The following MISP3 variants were observed in gnomAD, a reference collection of about 807,000 sequenced individuals.
MISP3 encodes MISP family member 3, also known as uncharacterized protein MISP3.
Under a neutral mutation model 5.5 loss-of-function variants are expected in MISP3, and 9 were observed. The ratio of observed to expected loss-of-function variants is 1.65; its 90% CI spans 0.99 to 2.87. The LOEUF (loss-of-function observed/expected upper bound fraction) is 2.87. MISP3 is among the 30% of genes most tolerant of loss of function. The pLI, the probability that MISP3 is intolerant of heterozygous loss-of-function variation, is 0.00. For synonymous variants in MISP3, 87 were observed against 38.1 expected (o/e 2.28, Z -4.73); for missense variants, 152 against 84.1 (o/e 1.81, Z -3.16).
In MISP3 at chr19:14,073,195, G is replaced by C. The variant is rs746087760; in HGVS notation, c.-115G>C. 2 of 674,474 alleles carry C rather than the reference G, an allele frequency of 3.0e-6. No individual in the cohort carries two copies. Among genetic ancestry groups the C allele is most frequent in the South Asian group, 3.0e-5 (2 of 66,522 alleles). The allele number at this position is 674,474 out of a possible 1,614,324, so 41.8% of individuals were successfully genotyped here. A position where few individuals can be genotyped will look rare whatever the true frequency, so the allele number is the denominator to read the frequency against. ...AAGCGCAAAGGGCGGAGGTCCAGGG[G>C]CAGCATCCCCCTCCAGGCCCTAAGA... On this transcript the variant is annotated 5_prime_UTR_variant, in exon 1 of 3. Transcript: ENST00000587086. The surrounding 1 kb of genome is among the most constrained non-coding windows in gnomAD (Gnocchi z 8.5).
Position 14,074,787 on chromosome 19 carries a change from G to C in MISP3, c.*64G>C. 3 of 694,540 alleles carry C rather than the reference G, an allele frequency of 4.3e-6. No individual in the cohort carries two copies. Among genetic ancestry groups the C allele is most frequent in the South Asian group, 3.0e-5 (2 of 67,456 alleles). 43.0% of individuals were successfully genotyped at this position (694,540 alleles called of 1,614,324 possible). On this transcript the variant is annotated 3_prime_UTR_variant, in exon 3 of 3. Transcript: ENST00000587086. The surrounding 1 kb of genome is among the most constrained non-coding windows in gnomAD (Gnocchi z 4.4). ...ACGCGTCAGAGGAACAGGGCGGGGG[G>C]CGTCTAGCATTAGGCCTGGAGAAGG...
At position 14,074,580 on chromosome 19, in the gene MISP3, T is replaced by C; in HGVS notation, c.642+117T>C. On this transcript the variant is annotated intron_variant, in intron 2 of 2. Coordinates refer to ENST00000587086, the MANE Select transcript of MISP3 (RefSeq NM_001291291.2). The surrounding 1 kb of genome is among the most constrained non-coding windows in gnomAD (Gnocchi z 4.4). ...CCTGGAGGGCCACTCTGGTCAGAAC[T>C]CAGTCTGGGACGCATCCCCGGGGTG... The C allele has an allele frequency of 1.5e-6, 1 of 683,770 alleles. No homozygotes were observed. The allele number at this position is 683,770 out of a possible 1,614,324, so 42.4% of individuals were successfully genotyped here.
chr19:14,074,180 C>A lies in MISP3; in HGVS notation c.569-210C>A. ...CCAGGGAACCCTGACTGGGTTCTGG[C>A]ACTCCTGGGTCCTCCCTCTGAATTT... On this transcript the variant is annotated intron_variant, in intron 1 of 2. Coordinates refer to ENST00000587086, the MANE Select transcript of MISP3 (RefSeq NM_001291291.2). This position sits in a 1 kb window ranked among gnomAD's most constrained non-coding sequence, Gnocchi z 4.4. 1 of 595,498 alleles carries A rather than the reference C, an allele frequency of 1.7e-6. No individual in the cohort carries two copies. Among genetic ancestry groups the A allele is most frequent in the Non-Finnish European group, 3.0e-6 (1 of 335,250 alleles). 36.9% of individuals were successfully genotyped at this position (595,498 alleles called of 1,614,324 possible). A position where few individuals can be genotyped will look rare whatever the true frequency, so the allele number is the denominator to read the frequency against.
In MISP3 at chr19:14,073,235, T is replaced by C. The variant is rs762361002; in HGVS notation, c.-75T>C. On this transcript the variant is annotated 5_prime_UTR_variant, in exon 1 of 3. Transcript: ENST00000587086. This position sits in a 1 kb window ranked among gnomAD's most constrained non-coding sequence, Gnocchi z 8.5. ...AGGCCCTAAGACCTCCTCCTCCAGG[T>C]CAGGCTCGGAAGCCCCCCACCTGCG... 1 of 679,908 alleles carries C rather than the reference T, an allele frequency of 1.5e-6. No homozygotes were observed. Among genetic ancestry groups the C allele is most frequent in the South Asian group, 1.5e-5 (1 of 66,628 alleles). 42.1% of individuals were successfully genotyped at this position (679,908 alleles called of 1,614,324 possible). A position where few individuals can be genotyped will look rare whatever the true frequency, so the allele number is the denominator to read the frequency against.
In MISP3 at chr19:14,073,558, G is replaced by C. The variant is rs912801671; in HGVS notation, c.249G>C (p.Ala83=). The C allele has an allele frequency of 4.0e-6, 1 of 247,906 alleles. No individual in the cohort carries two copies. Among genetic ancestry groups the C allele is most frequent in the Non-Finnish European group, 7.6e-6 (1 of 131,976 alleles). The allele number at this position is 247,906 out of a possible 1,614,324, so 15.4% of individuals were successfully genotyped here. A position where few individuals can be genotyped will look rare whatever the true frequency, so the allele number is the denominator to read the frequency against. ...AHRQAALARP[A]VPEPRARSPP... ...GGCAGGCGGCGCTGGCGCGCCCCGCGGTCCCCGAGCCGCGCGCCCGGTCGC... is the reference window on the plus strand; with the variant it reads ...GGCAGGCGGCGCTGGCGCGCCCCGCCGTCCCCGAGCCGCGCGCCCGGTCGC... The change falls in exon 1 of 3, where the codon GCG becomes GCC. Residue 83 remains alanine, a synonymous_variant. Transcript: ENST00000587086. This position sits in a 1 kb window ranked among gnomAD's most constrained non-coding sequence, Gnocchi z 8.5.
Position 14,073,704 on chromosome 19 carries a change from G to C in MISP3, c.395G>C (p.Arg132Pro). ...QRLPEPGGRPRSAVQGGCRVL... is the reference protein window; with the variant it reads ...QRLPEPGGRPPSAVQGGCRVL... Reference sequence around the variant, plus strand: ...CTGCCAGAGCCTGGGGGACGGCCGCGCTCGGCCGTGCAGGGCGGGTGCCGG... The same window carrying C: ...CTGCCAGAGCCTGGGGGACGGCCGCCCTCGGCCGTGCAGGGCGGGTGCCGG... The change falls in exon 1 of 3, where the codon CGC becomes CCC. Residue 132 changes from arginine (R) to proline (P), a missense_variant. Transcript: ENST00000587086. The surrounding 1 kb of genome is among the most constrained non-coding windows in gnomAD (Gnocchi z 8.5). 1.8e-6 allele frequency: 1 copy of C among 566,086 alleles called. No homozygotes were observed. 35.1% of individuals were successfully genotyped at this position (566,086 alleles called of 1,614,324 possible). A position where few individuals can be genotyped will look rare whatever the true frequency, so the allele number is the denominator to read the frequency against.
At position 14,074,179 on chromosome 19, in the gene MISP3, GC is replaced by G. The variant is rs2145719424; in HGVS notation, c.569-210del. 1 of 594,850 alleles carries G rather than the reference GC, an allele frequency of 1.7e-6. No individual in the cohort carries two copies. Among genetic ancestry groups the G allele is most frequent in the African/African-American group, 1.9e-5 (1 of 53,704 alleles). 36.8% of individuals were successfully genotyped at this position (594,850 alleles called of 1,614,324 possible). A position where few individuals can be genotyped will look rare whatever the true frequency, so the allele number is the denominator to read the frequency against. ...TCCAGGGAACCCTGACTGGGTTCTG[GC>G]ACTCCTGGGTCCTCCCTCTGAATTT... is the stretch of plus-strand genomic sequence containing the variant. On this transcript the variant is annotated intron_variant, in intron 1 of 2. Transcript: ENST00000587086. The surrounding 1 kb of genome is among the most constrained non-coding windows in gnomAD (Gnocchi z 4.4).
chr19:14,073,280 G>A lies in MISP3; in HGVS notation c.-30G>A. The A allele has an allele frequency of 1.4e-6, 1 of 692,120 alleles. No homozygotes were observed. The highest frequency in any genetic ancestry group is 2.6e-6 in the Non-Finnish European group (1 of 378,040). 42.9% of individuals were successfully genotyped at this position (692,120 alleles called of 1,614,324 possible). ...CCTGCGTTTTCCGCCGTGCCCCGAG[G>A]CTCCCCAGCGTCCCCCGGAGGAGCG... On this transcript the variant is annotated 5_prime_UTR_variant, in exon 1 of 3. Coordinates refer to ENST00000587086, the MANE Select transcript of MISP3 (RefSeq NM_001291291.2). The surrounding 1 kb of genome is among the most constrained non-coding windows in gnomAD (Gnocchi z 8.5).
chr19:14,074,519 G>A lies in MISP3; in HGVS notation c.642+56G>A. On this transcript the variant is annotated intron_variant, in intron 2 of 2. Transcript: ENST00000587086. The surrounding 1 kb of genome is among the most constrained non-coding windows in gnomAD (Gnocchi z 4.4). Reference sequence around the variant, plus strand: ...CGCTTGTCGGTCCCCCCACCCCTCCGGTGCCAGGACGCTTGGTGGGGAAAA... The same window carrying A: ...CGCTTGTCGGTCCCCCCACCCCTCCAGTGCCAGGACGCTTGGTGGGGAAAA... 10 of 686,398 alleles carry A rather than the reference G, an allele frequency of 1.5e-5. No homozygotes were observed. The South Asian group carries it at 1.5e-4, about 10-fold the overall frequency. 42.5% of individuals were successfully genotyped at this position (686,398 alleles called of 1,614,324 possible).
chr19:14,074,922 C>A lies in MISP3; in HGVS notation c.*199C>A. ...TTGGGAAACTGACCACCACCCACAA[C>A]TCCGCCAGTGAAACTGCCCAGCCCT... is the stretch of plus-strand genomic sequence containing the variant. On this transcript the variant is annotated 3_prime_UTR_variant, in exon 3 of 3. Coordinates refer to ENST00000587086, the MANE Select transcript of MISP3 (RefSeq NM_001291291.2). The surrounding 1 kb of genome is among the most constrained non-coding windows in gnomAD (Gnocchi z 4.4). The A allele has an allele frequency of 1.7e-6, 1 of 595,750 alleles. No individual in the cohort carries two copies. The highest frequency in any genetic ancestry group is 1.8e-5 in the African/African-American group (1 of 54,306). 36.9% of individuals were successfully genotyped at this position (595,750 alleles called of 1,614,324 possible). A position where few individuals can be genotyped will look rare whatever the true frequency, so the allele number is the denominator to read the frequency against.
chr19:14,073,272 G>A lies in MISP3; in HGVS notation c.-38G>A. On this transcript the variant is annotated 5_prime_UTR_variant, in exon 1 of 3. Transcript: ENST00000587086. This position sits in a 1 kb window ranked among gnomAD's most constrained non-coding sequence, Gnocchi z 8.5. ...GCCCCCCACCTGCGTTTTCCGCCGT[G>A]CCCCGAGGCTCCCCAGCGTCCCCCG... 2.9e-6 allele frequency: 2 copies of A among 690,276 alleles called. No homozygotes were observed. Among genetic ancestry groups the A allele is most frequent in the Non-Finnish European group, 5.3e-6 (2 of 376,862 alleles). The allele number at this position is 690,276 out of a possible 1,614,324, so 42.8% of individuals were successfully genotyped here.
rs1599316850 is a variant in MISP3 at position 14,073,100 on chromosome 19, A to G, written c.-210A>G. ...GCCATCAGTCGAGCAGGACGCAGAG[A>G]GCCCCGGGCTGTCCACAGCTGCGGG... is the stretch of plus-strand genomic sequence containing the variant. On this transcript the variant is annotated 5_prime_UTR_variant, in exon 1 of 3. Transcript: ENST00000587086. The surrounding 1 kb of genome is among the most constrained non-coding windows in gnomAD (Gnocchi z 8.5). 1 of 644,036 alleles carries G rather than the reference A, an allele frequency of 1.6e-6. No individual in the cohort carries two copies. Among genetic ancestry groups the G allele is most frequent in the East Asian group, 3.1e-5 (1 of 32,654 alleles). The allele number at this position is 644,036 out of a possible 1,614,324, so 39.9% of individuals were successfully genotyped here.
In MISP3 at chr19:14,073,918, C is replaced by A; in HGVS notation, c.568+41C>A. On this transcript the variant is annotated intron_variant, in intron 1 of 2. Transcript: ENST00000587086. This position sits in a 1 kb window ranked among gnomAD's most constrained non-coding sequence, Gnocchi z 8.5. ...AGCAACGCCGGGACCCCCAGGGTTC[C>A]AGCCGCCCCCACCGATTGCCCAACT... 1.4e-6 allele frequency: 1 copy of A among 692,986 alleles called. No individual in the cohort carries two copies. The highest frequency in any genetic ancestry group is 2.6e-6 in the Non-Finnish European group (1 of 381,030). The allele number at this position is 692,986 out of a possible 1,614,324, so 42.9% of individuals were successfully genotyped here. A position where few individuals can be genotyped will look rare whatever the true frequency, so the allele number is the denominator to read the frequency against.
chr19:14,074,061 C>T lies in MISP3; in HGVS notation c.568+184C>T. The T allele has an allele frequency of 3.3e-6, 2 of 597,490 alleles. No individual in the cohort carries two copies. Among genetic ancestry groups the T allele is most frequent in the Non-Finnish European group, 6.0e-6 (2 of 335,442 alleles). The allele number at this position is 597,490 out of a possible 1,614,324, so 37.0% of individuals were successfully genotyped here. A position where few individuals can be genotyped will look rare whatever the true frequency, so the allele number is the denominator to read the frequency against. On this transcript the variant is annotated intron_variant, in intron 1 of 2. Transcript: ENST00000587086. This position sits in a 1 kb window ranked among gnomAD's most constrained non-coding sequence, Gnocchi z 4.4. ...TGGAGCTCCATTACTCGCTGTGATCCACCCCTCCACCGGGAGTGATGGACT... is the reference window on the plus strand; with the variant it reads ...TGGAGCTCCATTACTCGCTGTGATCTACCCCTCCACCGGGAGTGATGGACT...
rs137936357 is a variant in MISP3, at chr19:14,074,661, C to T, written c.643-45C>T. On this transcript the variant is annotated intron_variant, in intron 2 of 2. Transcript: ENST00000587086. This position sits in a 1 kb window ranked among gnomAD's most constrained non-coding sequence, Gnocchi z 4.4. The stretch of plus-strand genomic sequence containing the variant: ...CGCCACCCCGAGCCTGGATGCAGTG[C>T]GCAGGTCCCTGAGGCCGGCCTTCCT... The T allele has an allele frequency of 8.6e-6, 6 of 700,546 alleles. No homozygotes were observed. Among genetic ancestry groups the T allele is most frequent in the Non-Finnish European group, 1.6e-5 (6 of 383,136 alleles). The allele number at this position is 700,546 out of a possible 1,614,324, so 43.4% of individuals were successfully genotyped here. A position where few individuals can be genotyped will look rare whatever the true frequency, so the allele number is the denominator to read the frequency against.
chr19:14,073,558 G>T lies in MISP3; in HGVS notation c.249G>T (p.Ala83=), dbSNP rs912801671. Residue 83 remains alanine, a synonymous_variant, in exon 1 of 3, where the codon GCG becomes GCT. Transcript: ENST00000587086. The surrounding 1 kb of genome is among the most constrained non-coding windows in gnomAD (Gnocchi z 8.5). The stretch of plus-strand genomic sequence containing the variant: ...GGCAGGCGGCGCTGGCGCGCCCCGC[G>T]GTCCCCGAGCCGCGCGCCCGGTCGC... ...AHRQAALARP[A]VPEPRARSPP... 7 of 247,906 alleles carry T rather than the reference G, an allele frequency of 2.8e-5. No homozygotes were observed. Among genetic ancestry groups the T allele is most frequent in the African/African-American group, 1.6e-4 (7 of 43,506 alleles). The allele number at this position is 247,906 out of a possible 1,614,324, so 15.4% of individuals were successfully genotyped here.
chr19:14,073,968 C>T lies in MISP3; in HGVS notation c.568+91C>T. 1 of 648,880 alleles carries T rather than the reference C, an allele frequency of 1.5e-6. No individual in the cohort carries two copies. The highest frequency in any genetic ancestry group is 2.8e-6 in the Non-Finnish European group (1 of 360,642). 40.2% of individuals were successfully genotyped at this position (648,880 alleles called of 1,614,324 possible). Reference sequence around the variant, plus strand: ...TTCAGTGGCCCCTCCTGTGGCCCTCCGATTCTCGGGGTCTCTCCCTCCAAG... The same window carrying T: ...TTCAGTGGCCCCTCCTGTGGCCCTCTGATTCTCGGGGTCTCTCCCTCCAAG... On this transcript the variant is annotated intron_variant, in intron 1 of 2. Coordinates refer to ENST00000587086, the MANE Select transcript of MISP3 (RefSeq NM_001291291.2). The surrounding 1 kb of genome is among the most constrained non-coding windows in gnomAD (Gnocchi z 8.5).
chr19:14,073,517 G>C lies in MISP3; in HGVS notation c.208G>C (p.Glu70Gln), dbSNP rs1976625245. ...RAGAQMQRDI[E>Q]REAHRQAALA... ...GGGCGCGCAGATGCAGCGGGACATC[G>C]AGCGGGAGGCCCACCGGCAGGCGGC... The change falls in exon 1 of 3, where the codon GAG becomes CAG. Residue 70 changes from glutamate (E) to glutamine (Q), a missense_variant. Transcript: ENST00000587086. The surrounding 1 kb of genome is among the most constrained non-coding windows in gnomAD (Gnocchi z 8.5). 3.0e-6 allele frequency: 1 copy of C among 335,008 alleles called. No individual in the cohort carries two copies. 20.8% of individuals were successfully genotyped at this position (335,008 alleles called of 1,614,324 possible).
rs1976663108 is a variant in MISP3, at chr19:14,074,759, C to T, written c.*36C>T. 2 of 700,942 alleles carry T rather than the reference C, an allele frequency of 2.9e-6. No individual in the cohort carries two copies. Among genetic ancestry groups the T allele is most frequent in the African/African-American group, 1.7e-5 (1 of 57,208 alleles). 43.4% of individuals were successfully genotyped at this position (700,942 alleles called of 1,614,324 possible). On this transcript the variant is annotated 3_prime_UTR_variant, in exon 3 of 3. Transcript: ENST00000587086. The surrounding 1 kb of genome is among the most constrained non-coding windows in gnomAD (Gnocchi z 4.4). ...GGCTGGGACCCCCGGCCGGAAGTAACGTACGCGTCAGAGGAACAGGGCGGG... is the reference window on the plus strand; with the variant it reads ...GGCTGGGACCCCCGGCCGGAAGTAATGTACGCGTCAGAGGAACAGGGCGGG...
Sources: allele counts gnomAD v4.1 joint callset, GRCh38; gene constraint gnomAD v4.1.1; non-coding constraint Gnocchi (gnomAD v3.1); transcripts MANE v1.5; gene names NCBI Gene and HGNC (gene_info 2026-07-23, HGNC 2026-07-21).